The following MKKS variants were observed in gnomAD, a reference collection of about 807,000 sequenced individuals.
MKKS encodes the protein MKKS centrosomal shuttling protein, also known as molecular chaperone MKKS.
In MKKS, 29 loss-of-function variants were observed where a neutral mutation model predicts 33.2. The ratio of observed to expected loss-of-function variants is 0.87; its 90% CI spans 0.65 to 1.19. The LOEUF is 1.19. Ranked by LOEUF, MKKS falls within the 50% of genes most tolerant of loss-of-function variation. The probability of loss-of-function intolerance (pLI) is 0.00; values close to 1 mark genes in which losing one functional copy is unlikely to be tolerated. For missense variants in MKKS, 661 were observed against 662.3 expected (o/e 1.00, Z 0.02); for synonymous variants, 260 against 244.0 (o/e 1.07, Z -0.61).
chr20:10,418,805 T>C (rs1227161397), intron 2 of MKKS, among the ~76,000 whole-genome samples: 1 of 152,138 alleles, frequency 6.6e-6, no homozygotes, highest in Non-Finnish European at 1.5e-5. Context: ...ACAATATACA[T>C]ACATAATATA....
At chr20:10,419,277 T>C (rs184523794) in intron 2 of MKKS, among the ~76,000 whole-genome samples, 26 of 152,312 alleles carry the variant, frequency 1.7e-4, no homozygotes, top group Non-Finnish European at 3.5e-4. Flanking sequence ...CACAGTTCTT[T>C]ATCTGAAACT....
chr20:10,421,491 G>A (rs1270889221), intron 1 of MKKS, among the ~76,000 whole-genome samples: 3 of 151,676 alleles, frequency 2.0e-5, no homozygotes, highest in Non-Finnish European at 2.9e-5. Context: ...CAAATATGCA[G>A]TAAGAATTTA....
intron 3 of MKKS, among the ~76,000 whole-genome samples, chr20:10,412,094 C>T (rs1180368063): frequency 5.3e-5 from 8 of 152,028 alleles, no homozygotes; most frequent in Non-Finnish European, 1.0e-4. Flanking sequence ...GAAACAACTA[C>T]TTAAGGAGAA....
rs2064905664 is a variant in MKKS, at chr20:10,413,055, CCAAA to C, written c.456_459del (p.Cys152TrpfsTer6). The C allele has an allele frequency of 6.2e-7, 1 of 1,613,958 alleles. No individual in the cohort carries two copies. The highest frequency in any genetic ancestry group is 8.5e-7 in the Non-Finnish European group (1 of 1,180,028). ...GGTTTACTTGTTAATATACTACGCA[CCAAA>C]CAAAGGAGGATCTGAGTACTACTAA... is the stretch of plus-strand genomic sequence containing the variant. On this transcript the variant is annotated frameshift_variant, in exon 3 of 6. Transcript: ENST00000347364. LOFTEE classifies it high-confidence loss of function.
At chr20:10,431,062 A>G (rs1035817560) in intron 1 of MKKS, among the ~76,000 whole-genome samples, 1 of 152,174 alleles carries the variant, frequency 6.6e-6, no homozygotes, top group Admixed American at 6.5e-5. Flanking sequence ...AGAGAACTAT[A>G]TACATTCATA....
rs2064832114 is a variant in MKKS, at chr20:10,405,161, G to A, written c.*86C>T. On this transcript the variant is annotated 3_prime_UTR_variant, in exon 6 of 6. Transcript: ENST00000347364. Reference sequence around the variant, plus strand: ...TCCAAATATGTAGAACAGGGCTTTGGGAGAAAACAAATACACTCACAATTT... The same window carrying A: ...TCCAAATATGTAGAACAGGGCTTTGAGAGAAAACAAATACACTCACAATTT... 2 of 1,095,090 alleles carry A rather than the reference G, an allele frequency of 1.8e-6. No individual in the cohort carries two copies. The highest frequency in any genetic ancestry group is 1.6e-5 in the African/African-American group (1 of 63,074). The allele number at this position is 1,095,090 out of a possible 1,614,324, so 67.8% of individuals were successfully genotyped here.
At chr20:10,405,810 G>C in intron 5 of MKKS, 123 bp from the exon 6 acceptor site, 1 of 1,029,434 alleles carries the variant, frequency 9.7e-7, no homozygotes. Context: ...ATTTAATTTG[G>C]GGTCTGGCAC....
In MKKS at chr20:10,413,394, C is replaced by CT. The variant is rs1289589572; in HGVS notation, c.120dup (p.Gly41ArgfsTer2). 1 of 1,612,846 alleles carries CT rather than the reference C, an allele frequency of 6.2e-7. No individual in the cohort carries two copies. The highest frequency in any genetic ancestry group is 8.5e-7 in the Non-Finnish European group (1 of 1,178,960). The stretch of plus-strand genomic sequence containing the variant: ...CCATTGTGCAGCTGCTTCAGCCTAC[C>CT]TGAGGGGCCATAGCATGATGTTACA... On this transcript the variant is annotated frameshift_variant, in exon 3 of 6. Transcript: ENST00000347364. LOFTEE classifies it high-confidence loss of function.
Position 10,423,293 on chromosome 20 carries a change from C to A in MKKS, c.-648-2535G>T, listed in dbSNP as rs2064993919. Among the ~76,000 whole-genome samples, 3 of 152,060 alleles carry A rather than the reference C, an allele frequency of 2.0e-5. No homozygotes were observed. In the South Asian group the frequency reaches 6.2e-4, roughly 32 times the overall value. ...AATTAGCTGGGCATGGTGGCGCACG[C>A]CTGTAGTTCTAGCTGCGTGGGGGGT... On this transcript the variant is annotated intron_variant, in intron 1 of 5. Coordinates refer to ENST00000347364, the MANE Select transcript of MKKS (RefSeq NM_170784.3).
chr20:10,412,142 A>G (rs1450354843), intron 3 of MKKS, among the ~76,000 whole-genome samples: 1 of 152,234 alleles, frequency 6.6e-6, no homozygotes, highest in Non-Finnish European at 1.5e-5. Context: ...AAGTGAAGAA[A>G]AAGGGTCATT....
At chr20:10,420,312 CT>C (rs2064970417) in intron 2 of MKKS, among the ~76,000 whole-genome samples, 1 of 152,174 alleles carries the variant, frequency 6.6e-6, no homozygotes, top group South Asian at 2.1e-4. Flanking sequence ...TGCTCTTTCC[CT>C]TTGCATTCAA....
At chr20:10,431,413 G>C (rs1463430704) in intron 1 of MKKS, among the ~76,000 whole-genome samples, 2 of 152,052 alleles carry the variant, frequency 1.3e-5, no homozygotes, top group African/African-American at 2.4e-5. Flanking sequence ...ACTAGCCTCA[G>C]GGGGGAACTA....
intron 1 of MKKS, among the ~76,000 whole-genome samples, chr20:10,429,445 G>GT (rs1355711639): frequency 2.6e-5 from 4 of 152,092 alleles, no homozygotes; most frequent in Non-Finnish European, 5.9e-5. Context: ...GCTCTCACAC[G>GT]TTCATCTCCA....
chr20:10,409,538 T>C (rs2064865618), intron 3 of MKKS, among the ~76,000 whole-genome samples: 1 of 152,166 alleles, frequency 6.6e-6, no homozygotes, highest in Non-Finnish European at 1.5e-5. Context: ...AAAAGAAACC[T>C]ACATCAAACT....
rs1399679183 is a variant in MKKS at position 10,413,593 on chromosome 20, T to G, written c.-79A>C. The G allele has an allele frequency of 1.3e-6, 2 of 1,481,646 alleles. No individual in the cohort carries two copies. Among genetic ancestry groups the G allele is most frequent in the African/African-American group, 1.4e-5 (1 of 71,826 alleles). The allele number at this position is 1,481,646 out of a possible 1,614,324, so 91.8% of individuals were successfully genotyped here. A position where few individuals can be genotyped will look rare whatever the true frequency, so the allele number is the denominator to read the frequency against. On this transcript the variant is annotated 5_prime_UTR_variant, in exon 3 of 6. Coordinates refer to ENST00000347364, the MANE Select transcript of MKKS (RefSeq NM_170784.3). Reference sequence around the variant, plus strand: ...TTCTATTTATTGCATTATCACGTTTTAACATTAAAAATTATTCTTTAGGAA... The same window carrying G: ...TTCTATTTATTGCATTATCACGTTTGAACATTAAAAATTATTCTTTAGGAA...
chr20:10,429,967 C>A (rs927500092), intron 1 of MKKS, among the ~76,000 whole-genome samples: 1 of 152,030 alleles, frequency 6.6e-6, no homozygotes, highest in Non-Finnish European at 1.5e-5. Flanking sequence ...AGTTTGAGAC[C>A]CACTGTTCTA....
At chr20:10,430,804 G>T (rs2065049267) in intron 1 of MKKS, among the ~76,000 whole-genome samples, 1 of 152,214 alleles carries the variant, frequency 6.6e-6, no homozygotes, top group Non-Finnish European at 1.5e-5. Flanking sequence ...AAAATTTCAT[G>T]TATGTTTCTC....
At chr20:10,433,815 G>A (rs962227983) in intron 1 of MKKS, among the ~76,000 whole-genome samples, 6 of 152,162 alleles carry the variant, frequency 3.9e-5, no homozygotes, top group Non-Finnish European at 5.9e-5. Flanking sequence ...AGGCGGCAGC[G>A]CAGGTGGGAG....
intron 5 of MKKS, among the ~76,000 whole-genome samples, chr20:10,407,284 T>C (rs1016543414): frequency 6.6e-6 from 1 of 152,188 alleles, no homozygotes; most frequent in Non-Finnish European, 1.5e-5. Flanking sequence ...AACAGAATGC[T>C]AGCTTCAACA....
Sources: gnomAD v4.1 joint callset for allele counts (sites outside exome capture counted in the v4.1 genomes callset) on GRCh38, gnomAD v4.1.1 for gene constraint, MANE v1.5 for transcripts, NCBI Gene and HGNC (gene_info 2026-07-23, HGNC 2026-07-21) for gene names.